MGMT: variants seen among roughly 807,000 people sequenced by gnomAD.
The protein encoded by MGMT is O-6-methylguanine-DNA methyltransferase, also known as methylated-DNA--protein-cysteine methyltransferase.
In MGMT, 14 loss-of-function variants were observed where a neutral mutation model predicts 15.9. That is an observed-to-expected ratio of 0.88 (90% confidence interval 0.58 to 1.37). MGMT has a LOEUF of 1.37. Among genes scored for constraint, MGMT ranks in the 40% most tolerant of loss-of-function variants. MGMT has a pLI of 0.00. For synonymous variants in MGMT, 130 were observed against 118.2 expected, an observed-to-expected ratio of 1.10 and a Z score of -0.65; for missense variants, 282 against 268.1, an observed-to-expected ratio of 1.05 and a Z score of -0.36.
At chr10:129,730,725 C>T (rs983835071) in intron 3 of MGMT, among the ~76,000 whole-genome samples, 3 of 152,096 alleles carry the variant, frequency 2.0e-5, no homozygotes, top group East Asian at 1.9e-4. Context: ...TTTTTTTGCA[C>T]AGCATGATTC....
chr10:129,757,612 C>A (rs1848822148), intron 3 of MGMT, among the ~76,000 whole-genome samples: 1 of 152,184 alleles, frequency 6.6e-6, no homozygotes, highest in Non-Finnish European at 1.5e-5. Flanking sequence ...AAGTCAACAG[C>A]AGGCTACCTT....
At chr10:129,629,294 A>G (rs1247134482) in intron 2 of MGMT, among the ~76,000 whole-genome samples, 2 of 152,250 alleles carry the variant, frequency 1.3e-5, no homozygotes, top group East Asian at 3.8e-4. Flanking sequence ...AAATATCTGC[A>G]TGAGTATTGG....
intron 2 of MGMT, among the ~76,000 whole-genome samples, chr10:129,555,698 G>A (rs565204331): frequency 2.3e-4 from 35 of 152,004 alleles, no homozygotes; most frequent in African/African-American, 8.2e-4. Context: ...CTGGGCAACA[G>A]AGTGAGACCC....
chr10:129,646,754 A>ATATATTTTTTTTTTT lies in MGMT; in HGVS notation c.126-61140_126-61139insATATTTTTTTTTTTT. Among the ~76,000 whole-genome samples, 639 of 86,318 alleles carry ATATATTTTTTTTTTT rather than the reference A, an allele frequency of 7.4e-3. 12 individuals carry two copies. Among genetic ancestry groups the ATATATTTTTTTTTTT allele is most frequent in the African/African-American group, 0.023 (591 of 25,172 alleles). 56.6% of individuals were successfully genotyped at this position (86,318 alleles called of 152,430 possible). ...TATATATATATATATATATATATATATTTTCAGGGAATGGTAGAGAACAGT... is the reference window on the plus strand; with the variant it reads ...TATATATATATATATATATATATATATATATTTTTTTTTTTTTTTCAGGGAATGGTAGAGAACAGT... On this transcript the variant is annotated intron_variant, in intron 2 of 4. Coordinates refer to ENST00000651593, the MANE Select transcript of MGMT (RefSeq NM_002412.5).
chr10:129,766,325 G>T (rs901914016), intron 4 of MGMT, among the ~76,000 whole-genome samples: 3 of 152,210 alleles, frequency 2.0e-5, no homozygotes, highest in Non-Finnish European at 4.4e-5. Flanking sequence ...ACAGTTGGCC[G>T]GCCATGGGCT....
At chr10:129,479,904 G>A (rs1299090125) in intron 1 of MGMT, among the ~76,000 whole-genome samples, 1 of 152,120 alleles carries the variant, frequency 6.6e-6, no homozygotes, top group African/African-American at 2.4e-5. Context: ...ATCCCAAAGA[G>A]ATTACCTGAG....
At chr10:129,759,725 T>TAACA (rs3838775) in intron 4 of MGMT, among the ~76,000 whole-genome samples, 58,314 of 151,548 alleles carry the variant, frequency 0.38, 11,725 homozygotes, top group Admixed American at 0.51. Context: ...GTACAGCAGC[T>TAACA]AACAGACAGA....
At chr10:129,536,467 A>AG in intron 2 of MGMT, 90 bp downstream of exon 2, 1 of 1,502,024 alleles carries the variant, frequency 6.7e-7, no homozygotes. Context: ...CATTGATGGC[A>AG]GGGTAACGCA....
chr10:129,495,006 A>C (rs1195311174), intron 1 of MGMT, among the ~76,000 whole-genome samples: 1 of 152,252 alleles, frequency 6.6e-6, no homozygotes, highest in African/African-American at 2.4e-5. Context: ...GAAGAATAAA[A>C]GATTGTGCTG....
intron 2 of MGMT, among the ~76,000 whole-genome samples, chr10:129,554,753 C>T (rs536467261): frequency 6.6e-6 from 1 of 152,262 alleles, no homozygotes; most frequent in African/African-American, 2.4e-5. Context: ...TTTCCTAGCC[C>T]CTCCGTTCTT....
chr10:129,471,262 C>G (rs2119612441), intron 1 of MGMT, among the ~76,000 whole-genome samples: 1 of 152,316 alleles, frequency 6.6e-6, no homozygotes, highest in Non-Finnish European at 1.5e-5. Flanking sequence ...TTAGAAAGCG[C>G]TTGCCTTATT....
intron 2 of MGMT, among the ~76,000 whole-genome samples, chr10:129,667,031 C>A (rs1057336494): frequency 6.6e-6 from 1 of 152,188 alleles, no homozygotes; most frequent in African/African-American, 2.4e-5. Context: ...GAAGTTGTAT[C>A]CATACCATCT....
chr10:129,695,919 T>C (rs969863983), intron 2 of MGMT, among the ~76,000 whole-genome samples: 6 of 152,162 alleles, frequency 3.9e-5, no homozygotes, highest in Non-Finnish European at 7.4e-5. Context: ...GGCTGTTCCA[T>C]GTGACAGCAT....
At chr10:129,728,722 C>A (rs1485894322) in intron 3 of MGMT, among the ~76,000 whole-genome samples, 1 of 151,944 alleles carries the variant, frequency 6.6e-6, no homozygotes, top group Non-Finnish European at 1.5e-5. Context: ...TGACCATGGT[C>A]CCTGTTGTGT....
intron 2 of MGMT, among the ~76,000 whole-genome samples, chr10:129,613,116 A>G (rs1846981384): frequency 6.6e-6 from 1 of 152,216 alleles, no homozygotes; most frequent in African/African-American, 2.4e-5. Context: ...TTGGAATATC[A>G]GGTCCAGGGT....
At position 129,630,047 on chromosome 10, in the gene MGMT, G is replaced by A. The variant is rs141760012; in HGVS notation, c.126-77848G>A. On this transcript the variant is annotated intron_variant, in intron 2 of 4. Coordinates refer to ENST00000651593, the MANE Select transcript of MGMT (RefSeq NM_002412.5). The stretch of plus-strand genomic sequence containing the variant: ...AAAGAACGTCAGGTGGAAGCGGTGA[G>A]AGGGCCTGGACAGTTGTTCTGCAGC... 2.3e-3 allele frequency among the ~76,000 whole-genome samples: 357 copies of A among 152,390 alleles called. 2 individuals are homozygous for A. The highest frequency in any genetic ancestry group is 8.2e-3 in the African/African-American group (342 of 41,602).
intron 3 of MGMT, among the ~76,000 whole-genome samples, chr10:129,721,534 AGAT>A (rs1848371316): frequency 6.6e-6 from 1 of 152,268 alleles, no homozygotes; most frequent in South Asian, 2.1e-4. Context: ...TTTATTTAAA[AGAT>A]GATTAACTGT....
At chr10:129,479,535 A>T (rs141174593) in intron 1 of MGMT, among the ~76,000 whole-genome samples, 131 of 152,330 alleles carry the variant, frequency 8.6e-4, no homozygotes, top group Non-Finnish European at 1.4e-3. Flanking sequence ...TCTCGAGTGG[A>T]TCCTTATGAG....
chr10:129,750,122 A>G (rs1244055921), intron 3 of MGMT, among the ~76,000 whole-genome samples: 2 of 152,106 alleles, frequency 1.3e-5, no homozygotes, highest in East Asian at 1.9e-4. Context: ...TAATTTTAAT[A>G]AACTCCAGCT....
Sources: allele counts gnomAD v4.1 joint callset (sites outside exome capture counted in the v4.1 genomes callset), GRCh38; gene constraint gnomAD v4.1.1; transcripts MANE v1.5; gene names NCBI Gene and HGNC (gene_info 2026-07-23, HGNC 2026-07-21).